The following FAM222B variants were observed in gnomAD, a reference collection of about 807,000 sequenced individuals.
FAM222B encodes the protein family with sequence similarity 222 member B.
Under a neutral mutation model 38.0 loss-of-function variants are expected in FAM222B, and 12 were observed. The ratio of observed to expected loss-of-function variants is 0.32; its 90% CI spans 0.20 to 0.51. The LOEUF is 0.51. Among genes scored for constraint, FAM222B ranks in the 20% least tolerant of loss-of-function variants. The probability of loss-of-function intolerance (pLI) is 0.97; values close to 1 mark genes in which losing one functional copy is unlikely to be tolerated. For synonymous variants in FAM222B, 329 were observed against 317.2 expected (o/e 1.04, Z -0.40); for missense variants, 716 against 754.2 (o/e 0.95, Z 0.59).
At chr17:28,839,238 A>G (rs1173038204) in intron 1 of FAM222B, among the ~76,000 whole-genome samples, 3 of 152,108 alleles carry the variant, frequency 2.0e-5, no homozygotes, top group Admixed American at 2.0e-4. Context: ...TAATAAGCCA[A>G]TAAATATTTA....
At chr17:28,804,548 A>G (rs1007923322) in intron 1 of FAM222B, among the ~76,000 whole-genome samples, 31 of 151,360 alleles carry the variant, frequency 2.0e-4, no homozygotes, top group African/African-American at 7.5e-4. Flanking sequence ...GTTGGCCAGG[A>G]TGGCCTTGAT....
chr17:28,768,387 G>A (rs1262232977), intron 1 of FAM222B, among the ~76,000 whole-genome samples: 2 of 152,192 alleles, frequency 1.3e-5, no homozygotes, highest in African/African-American at 4.8e-5. Flanking sequence ...CTCAAACTGT[G>A]TCTAAGATAG....
At chr17:28,765,203 C>G (rs1011615346) in intron 2 of FAM222B, among the ~76,000 whole-genome samples, 8 of 152,208 alleles carry the variant, frequency 5.3e-5, no homozygotes, top group Non-Finnish European at 1.2e-4. Flanking sequence ...CTTACGCTCT[C>G]TCAAAGAAAT....
At position 28,787,854 on chromosome 17, in the gene FAM222B, T is replaced by C. The variant is rs577493824; in HGVS notation, c.-40-21147A>G. 1.7e-3 allele frequency among the ~76,000 whole-genome samples: 221 copies of C among 133,754 alleles called. 1 individual carries two copies. The highest frequency in any genetic ancestry group is 3.1e-3 in the Non-Finnish European group (199 of 64,552). 87.7% of individuals were successfully genotyped at this position (133,754 alleles called of 152,430 possible). On this transcript the variant is annotated intron_variant, in intron 1 of 2. Transcript: ENST00000581407. ...TTTTTTTTTTTTTTTGAGACGGAGTTTCGCTCTTGTTGCAGGCTGGAGTGC... is the reference window on the plus strand; with the variant it reads ...TTTTTTTTTTTTTTTGAGACGGAGTCTCGCTCTTGTTGCAGGCTGGAGTGC...
chr17:28,847,484 C>T (rs992148099), upstream of FAM222B, among the ~76,000 whole-genome samples: 1 of 151,950 alleles, frequency 6.6e-6, no homozygotes, highest in Admixed American at 6.6e-5. Context: ...ATCCCACCTA[C>T]TCCGGAGGCT....
At position 28,758,409 on chromosome 17, in the gene FAM222B, AG is replaced by A; in HGVS notation, c.1549del (p.Leu517Ter). ...QNSLMQTVDY[L>X]SGDFQQACFR... ...GCAGGCCTGTTGGAAATCCCCACTT[AG>A]GTAATCCACTGTTTGCATCAAGCTG... On this transcript the variant is annotated frameshift_variant, in exon 3 of 3. Transcript: ENST00000581407. LOFTEE classifies it high-confidence loss of function. 1 of 1,613,674 alleles carries A rather than the reference AG, an allele frequency of 6.2e-7. No individual in the cohort carries two copies. The highest frequency in any genetic ancestry group is 8.5e-7 in the Non-Finnish European group (1 of 1,179,810).
intron 1 of FAM222B, chr17:28,802,582 C>T: frequency 6.2e-6 from 1 of 161,906 alleles, no homozygotes; most frequent in South Asian, 1.7e-4. Context: ...CTCAGGCACT[C>T]AAAGAGATCT....
chr17:28,819,417 C>A (rs952945717), intron 1 of FAM222B, among the ~76,000 whole-genome samples: 10 of 151,942 alleles, frequency 6.6e-5, no homozygotes, highest in Non-Finnish European at 8.8e-5. Context: ...TATATATATT[C>A]CATTTTGTTA....
Position 28,790,915 on chromosome 17 carries a change from T to TTTTTTTTTTTTTA in FAM222B, c.-40-24209_-40-24208insTAAAAAAAAAAAA, listed in dbSNP as rs752443903. ...TTTTTTTTTTTTTTTTTTTTTTTTT[T>TTTTTTTTTTTTTA]AGAGACAGAATCTTGCTCTGTTGCC... On this transcript the variant is annotated intron_variant, in intron 1 of 2. Coordinates refer to ENST00000581407, the MANE Select transcript of FAM222B (RefSeq NM_001077498.3). Among the ~76,000 whole-genome samples the TTTTTTTTTTTTTA allele has an allele frequency of 5.8e-5, 7 of 121,044 alleles. 1 individual carries two copies. The highest frequency in any genetic ancestry group is 8.5e-5 in the Non-Finnish European group (5 of 58,598). The allele number at this position is 121,044 out of a possible 152,430, so 79.4% of individuals were successfully genotyped here.
chr17:28,769,897 A>C lies in FAM222B; in HGVS notation c.-40-3190T>G, dbSNP rs971766177. On this transcript the variant is annotated intron_variant, in intron 1 of 2. Coordinates refer to ENST00000581407, the MANE Select transcript of FAM222B (RefSeq NM_001077498.3). ...GCCCCAGATGTCTACTTATTTTTCT[A>C]GCTCCCTCACTTCATTCAGGTTTCT... Among the ~76,000 whole-genome samples, 3 of 152,114 alleles carry C rather than the reference A, an allele frequency of 2.0e-5. No individual in the cohort carries two copies. The South Asian group carries it at 6.2e-4, about 31-fold the overall frequency.
At chr17:28,791,813 C>A (rs2036702785) in intron 1 of FAM222B, among the ~76,000 whole-genome samples, 1 of 151,460 alleles carries the variant, frequency 6.6e-6, no homozygotes, top group African/African-American at 2.4e-5. Context: ...GCACGTGTCA[C>A]CACGCCCAGC....
intron 1 of FAM222B, among the ~76,000 whole-genome samples, chr17:28,818,633 C>T (rs2038110568): frequency 1.3e-5 from 2 of 151,986 alleles, no homozygotes; most frequent in Admixed American, 6.6e-5. Flanking sequence ...CTCAAAGTCA[C>T]GACAAGGGTG....
At position 28,777,680 on chromosome 17, in the gene FAM222B, T is replaced by G. The variant is rs145482646; in HGVS notation, c.-40-10973A>C. ...AATTCCAGGCTCCGAAAATTTGTGG[T>G]ACATGGATAATACAAGTGTTAACAA... On this transcript the variant is annotated intron_variant, in intron 1 of 2. Coordinates refer to ENST00000581407, the MANE Select transcript of FAM222B (RefSeq NM_001077498.3). Among the ~76,000 whole-genome samples the G allele has an allele frequency of 2.0e-5, 3 of 152,300 alleles. No individual in the cohort carries two copies. In the East Asian group the frequency reaches 5.8e-4, roughly 29 times the overall value.
chr17:28,854,663 T>G (rs563053598), intron 1 of FAM222B, among the ~76,000 whole-genome samples: 2 of 152,214 alleles, frequency 1.3e-5, no homozygotes, highest in East Asian at 1.9e-4. Flanking sequence ...GGCGGAACAG[T>G]GCCCCCTCCC....
At position 28,778,669 on chromosome 17, in the gene FAM222B, AAT is replaced by A. The variant is rs1491588481; in HGVS notation, c.-40-11964_-40-11963del. The stretch of plus-strand genomic sequence containing the variant: ...CAGGCGCATGTCATCATGCCTAGCT[AAT>A]TTTTTTTTTGTGTGTGTGTGTGTGT... On this transcript the variant is annotated intron_variant, in intron 1 of 2. Coordinates refer to ENST00000581407, the MANE Select transcript of FAM222B (RefSeq NM_001077498.3). Among the ~76,000 whole-genome samples the A allele has an allele frequency of 8.9e-5, 8 of 90,056 alleles. No individual in the cohort carries two copies. The South Asian group carries it at 2.3e-3, about 25-fold the overall frequency. 59.1% of individuals were successfully genotyped at this position (90,056 alleles called of 152,430 possible).
At chr17:28,804,430 G>A (rs1020919448) in intron 1 of FAM222B, among the ~76,000 whole-genome samples, 1 of 152,030 alleles carries the variant, frequency 6.6e-6, no homozygotes, top group Non-Finnish European at 1.5e-5. Flanking sequence ...CACCTCTCGG[G>A]TTCAAGCGAT....
chr17:28,778,720 T>TATATATATATATATATATA (rs1491503132), intron 1 of FAM222B, among the ~76,000 whole-genome samples: 3 of 35,948 alleles, frequency 8.3e-5, no homozygotes, highest in Non-Finnish European at 1.1e-4. Context: ...TATATATATA[T>TATATATATATATATATATA]TTTTTTTTTT....
intron 1 of FAM222B, among the ~76,000 whole-genome samples, chr17:28,829,876 C>G (rs1437285472): frequency 6.6e-6 from 1 of 151,874 alleles, no homozygotes; most frequent in Non-Finnish European, 1.5e-5. Context: ...CCGAGTCTCA[C>G]TCTGTCTCCC....
intron 1 of FAM222B, among the ~76,000 whole-genome samples, chr17:28,799,354 G>C (rs2037107796): frequency 1.4e-5 from 2 of 144,410 alleles, no homozygotes; most frequent in Non-Finnish European, 3.0e-5. Flanking sequence ...CTGGAGTGCA[G>C]TGGTGCGATC....
Sources: gnomAD v4.1 joint callset for allele counts (sites outside exome capture counted in the v4.1 genomes callset) on GRCh38, gnomAD v4.1.1 for gene constraint, MANE v1.5 for transcripts, NCBI Gene and HGNC (gene_info 2026-07-23, HGNC 2026-07-21) for gene names.